The following SMAGP variants were observed in gnomAD, a reference collection of about 807,000 sequenced individuals.
SMAGP encodes small cell transmembrane and glycosylated protein.
SMAGP carries 7 observed loss-of-function variants against 10.1 expected under a neutral mutation model. The observed-to-expected ratio is 0.70, with a 90% CI of 0.40 to 1.31. SMAGP has a LOEUF of 1.31. Among genes scored for constraint, SMAGP ranks in the 50% most tolerant of loss-of-function variants. SMAGP has a pLI of 0.01. For synonymous variants in SMAGP, 49 were observed against 47.2 expected (o/e 1.04, Z -0.16); for missense variants, 113 against 116.5 (o/e 0.97, Z 0.14).
At chr12:51,248,872 C>A (rs1043818848) in intron 2 of SMAGP, among the ~76,000 whole-genome samples, 1 of 130,074 alleles carries the variant, frequency 7.7e-6, no homozygotes, top group South Asian at 2.4e-4. Flanking sequence ...GGAAACATGG[C>A]GAAATCCTGT....
chr12:51,267,415 C>T (rs1184048612), intron 2 of SMAGP, among the ~76,000 whole-genome samples: 1 of 151,930 alleles, frequency 6.6e-6, no homozygotes, highest in African/African-American at 2.4e-5. Flanking sequence ...CTTTCAAGGG[C>T]AAGACTCAGA....
intron 2 of SMAGP, among the ~76,000 whole-genome samples, chr12:51,255,810 T>G (rs1286947385): frequency 6.6e-6 from 1 of 152,170 alleles, no homozygotes; most frequent in African/African-American, 2.4e-5. Context: ...CTTGCTCTGT[T>G]GTCCAGGCTG....
intron 2 of SMAGP, among the ~76,000 whole-genome samples, chr12:51,265,441 CAATAGCCAA>C (rs1944965566): frequency 6.6e-6 from 1 of 152,136 alleles, no homozygotes; most frequent in African/African-American, 2.4e-5. Context: ...GCATCAGTCA[CAATAGCCAA>C]AAGGTGGAAG....
In SMAGP at chr12:51,249,869, G is replaced by A. The variant is rs567561227; in HGVS notation, c.35-3038C>T. ...TGGCCTCGAGTGATCCACCTGCCTCGGCCTCCCAAAGTGCTGGGATTACAG... is the reference window on the plus strand; with the variant it reads ...TGGCCTCGAGTGATCCACCTGCCTCAGCCTCCCAAAGTGCTGGGATTACAG... On this transcript the variant is annotated intron_variant, in intron 2 of 3. Coordinates refer to ENST00000603798, the MANE Select transcript of SMAGP (RefSeq NM_001031628.2). Among the ~76,000 whole-genome samples, 11 of 151,590 alleles carry A rather than the reference G, an allele frequency of 7.3e-5. No individual in the cohort carries two copies. The South Asian group carries it at 1.9e-3, about 26-fold the overall frequency.
intron 2 of SMAGP, among the ~76,000 whole-genome samples, chr12:51,264,619 C>T (rs1944957360): frequency 6.8e-6 from 1 of 147,092 alleles, no homozygotes; most frequent in South Asian, 2.2e-4. Flanking sequence ...GAGTAAGATC[C>T]CATCTCTTAA....
chr12:51,255,740 C>T (rs1484052113), intron 2 of SMAGP, among the ~76,000 whole-genome samples: 2 of 152,150 alleles, frequency 1.3e-5, no homozygotes, highest in African/African-American at 4.8e-5. Flanking sequence ...CACAAGTGCA[C>T]AGTTGCATCT....
Position 51,246,104 on chromosome 12 carries a change from A to G in SMAGP, c.131T>C (p.Val44Ala). The G allele has an allele frequency of 6.2e-7, 1 of 1,613,954 alleles. No homozygotes were observed. The change falls in exon 4 of 4, where the codon GTC becomes GCC. Residue 44 changes from valine to alanine, a missense_variant. Val to Ala is a moderately conservative substitution (Grantham distance 64). Coordinates refer to ENST00000603798, the MANE Select transcript of SMAGP (RefSeq NM_001031628.2). ...CACGACCGAGAGCAGGGTGAGGAAGACAACGGTGATAACAACTTGGAAAGG... is the reference window on the plus strand; with the variant it reads ...CACGACCGAGAGCAGGGTGAGGAAGGCAACGGTGATAACAACTTGGAAAGG... ...TALIAVVITV[V>A]FLTLLSVVIL... is the part of the protein sequence containing the mutation.
rs10660613 is a variant in SMAGP at position 51,256,786 on chromosome 12, G to GATAT, written c.35-9959_35-9956dup. Among the ~76,000 whole-genome samples, 220 of 145,700 alleles carry GATAT rather than the reference G, an allele frequency of 1.5e-3. 2 individuals carry two copies. Among genetic ancestry groups the GATAT allele is most frequent in the African/African-American group, 3.3e-3 (132 of 39,998 alleles). Reference sequence around the variant, plus strand: ...AAAACCTCCCCCCCACCCAAAAAAAGATATATATATATATTCTTATATATG... The same window carrying GATAT: ...AAAACCTCCCCCCCACCCAAAAAAAGATATATATATATATATATTCTTATATATG... On this transcript the variant is annotated intron_variant, in intron 2 of 3. Coordinates refer to ENST00000603798, the MANE Select transcript of SMAGP (RefSeq NM_001031628.2).
intron 2 of SMAGP, among the ~76,000 whole-genome samples, chr12:51,248,532 T>C (rs1375430008): frequency 2.0e-5 from 3 of 151,230 alleles, no homozygotes; most frequent in Non-Finnish European, 4.4e-5. Flanking sequence ...CCTTGTGTTA[T>C]GATGTGGGTG....
intron 2 of SMAGP, among the ~76,000 whole-genome samples, chr12:51,265,854 G>A (rs184353517): frequency 0.015 from 2,233 of 152,260 alleles, 18 homozygotes; most frequent in Non-Finnish European, 0.025. Context: ...AGGCCGAGGT[G>A]GGCGGATCAC....
chr12:51,268,292 T>C (rs565748210), intron 2 of SMAGP, among the ~76,000 whole-genome samples: 2 of 152,182 alleles, frequency 1.3e-5, no homozygotes, highest in Non-Finnish European at 2.9e-5. Context: ...CACACTCTTC[T>C]AGGTGTTTTA....
chr12:51,260,371 TTG>T (rs1246179846), intron 2 of SMAGP, among the ~76,000 whole-genome samples: 17 of 151,106 alleles, frequency 1.1e-4, no homozygotes, highest in South Asian at 4.2e-4. Flanking sequence ...GTTTTTTTTG[TTG>T]TTGTTGTTGT....
intron 2 of SMAGP, among the ~76,000 whole-genome samples, chr12:51,251,967 G>A (rs1370510130): frequency 6.6e-6 from 1 of 152,184 alleles, no homozygotes; most frequent in Non-Finnish European, 1.5e-5. Flanking sequence ...GCCTTGCTGC[G>A]ATGCAGCTAT....
Position 51,244,570 on chromosome 12 carries a change from A to AT in SMAGP, c.*1370_*1371insA, listed in dbSNP as rs1341273881. ...CAGAGGCAATACATTAAGACTTCAA[A>AT]GGAGATCTAGCTTTAATTCCAAAGT... On this transcript the variant is annotated 3_prime_UTR_variant, in exon 4 of 4. Coordinates refer to ENST00000603798, the MANE Select transcript of SMAGP (RefSeq NM_001031628.2). 1 of 152,260 alleles carries AT rather than the reference A, an allele frequency of 6.6e-6. No individual in the cohort carries two copies. Among genetic ancestry groups the AT allele is most frequent in the African/African-American group, 2.4e-5 (1 of 41,466 alleles). The allele number at this position is 152,260 out of a possible 1,614,324, so 9.4% of individuals were successfully genotyped here. A position where few individuals can be genotyped will look rare whatever the true frequency, so the allele number is the denominator to read the frequency against.
chr12:51,255,127 C>A (rs945651952), intron 2 of SMAGP, among the ~76,000 whole-genome samples: 2 of 152,142 alleles, frequency 1.3e-5, no homozygotes, highest in African/African-American at 4.8e-5. Flanking sequence ...CCTCCACCTC[C>A]CAGGCTCAAG....
chr12:51,264,649 A>C (rs535314924), intron 2 of SMAGP, among the ~76,000 whole-genome samples: 2,140 of 148,368 alleles, frequency 0.014, 52 homozygotes, highest in African/African-American at 0.051. Flanking sequence ...AAAAAAAAAA[A>C]GGTCAGGCAC....
intron 2 of SMAGP, among the ~76,000 whole-genome samples, chr12:51,264,076 T>C (rs1023550531): frequency 6.6e-6 from 1 of 152,114 alleles, no homozygotes; most frequent in African/African-American, 2.4e-5. Context: ...GCCCTTCCTT[T>C]CAAGGTTCCT....
In SMAGP at chr12:51,269,227, G is replaced by C. The variant is rs1341553620; in HGVS notation, c.34+18C>G. The C allele has an allele frequency of 6.2e-7, 1 of 1,613,740 alleles. No homozygotes were observed. The highest frequency in any genetic ancestry group is 2.2e-5 in the East Asian group (1 of 44,876). ...GAACAATTCTTTCTCACTGGGATTA[G>C]GAAAGGCCTTCACCTACCTCTTGGA... On this transcript the variant is annotated intron_variant, in intron 2 of 3. Transcript: ENST00000603798.
chr12:51,249,037 G>A (rs11169781), intron 2 of SMAGP, among the ~76,000 whole-genome samples: 28,254 of 151,566 alleles, frequency 0.19, 3,120 homozygotes, highest in East Asian at 0.41. Flanking sequence ...CTGAGATCGC[G>A]CCACTGAACT....
Sources: gnomAD v4.1 joint callset for allele counts (sites outside exome capture counted in the v4.1 genomes callset) on GRCh38, gnomAD v4.1.1 for gene constraint, MANE v1.5 for transcripts, NCBI Gene and HGNC (gene_info 2026-07-23, HGNC 2026-07-21) for gene names.